Variants in PROCR observed in about 807,000 individuals in gnomAD.
The protein encoded by PROCR is endothelial protein C receptor.
PROCR carries 22 observed loss-of-function variants against 24.2 expected under a neutral mutation model. The ratio of observed to expected loss-of-function variants is 0.91; its 90% CI spans 0.65 to 1.30. The LOEUF (loss-of-function observed/expected upper bound fraction) is 1.30, where lower values mean the gene tolerates loss of function less well. PROCR is among the 50% of genes most tolerant of loss of function. The pLI is 0.00. For synonymous variants in PROCR, 137 were observed against 139.2 expected, an observed-to-expected ratio of 0.98 and a Z score of 0.11; for missense variants, 288 against 307.7, an observed-to-expected ratio of 0.94 and a Z score of 0.48.
At chr20:35,180,851 G>A (rs1709148774), downstream of PROCR, among the ~76,000 whole-genome samples, 1 of 126,438 alleles carries the variant, frequency 7.9e-6, no homozygotes, top group African/African-American at 2.7e-5. Flanking sequence ...GTTGTTGTTT[G>A]TTTTTTGTTT....
At chr20:35,188,454 C>G (rs1368667937) in intron 1 of PROCR, among the ~76,000 whole-genome samples, 1 of 152,164 alleles carries the variant, frequency 6.6e-6, no homozygotes, top group African/African-American at 2.4e-5. Context: ...AGATGTTTCT[C>G]CTTTCCTAGA....
At chr20:35,211,076 A>G (rs1335104685) in intron 1 of PROCR, among the ~76,000 whole-genome samples, 1 of 152,178 alleles carries the variant, frequency 6.6e-6, no homozygotes. Context: ...CCTCAACCCC[A>G]GGAACTTTCT....
chr20:35,197,752 G>A (rs1298858349), intron 1 of PROCR, among the ~76,000 whole-genome samples: 1 of 151,172 alleles, frequency 6.6e-6, no homozygotes, highest in African/African-American at 2.4e-5. Context: ...AACCCAGGAG[G>A]CAGGGGTCAC....
chr20:35,174,820 C>G lies in PROCR; in HGVS notation c.189C>G (p.Thr63=), dbSNP rs148290619. The stretch of plus-strand genomic sequence containing the variant: ...CGCACGTGCTGGAAGGCCCAGACAC[C>G]AACACCACGATCATTCAGCTGCAGC... ...HLTHVLEGPD[T]NTTIIQLQPL... The change falls in exon 2 of 4, where the codon ACC becomes ACG. Residue 63 remains threonine, a synonymous_variant. Coordinates refer to ENST00000216968, the MANE Select transcript of PROCR (RefSeq NM_006404.5). The G allele has an allele frequency of 1.9e-6, 3 of 1,613,984 alleles. No individual in the cohort carries two copies. Among genetic ancestry groups the G allele is most frequent in the Non-Finnish European group, 2.5e-6 (3 of 1,180,008 alleles).
chr20:35,190,026 A>G (rs182455474), intron 1 of PROCR, among the ~76,000 whole-genome samples: 66 of 152,344 alleles, frequency 4.3e-4, no homozygotes, highest in South Asian at 2.9e-3. Flanking sequence ...TTTTATTGAT[A>G]TGCTCAAAAA....
At chr20:35,192,269 A>G (rs2086179495) in intron 1 of PROCR, among the ~76,000 whole-genome samples, 1 of 152,260 alleles carries the variant, frequency 6.6e-6, no homozygotes, top group Admixed American at 6.5e-5. Flanking sequence ...ATACAAGATT[A>G]GTCATAGCTG....
chr20:35,209,639 C>T (rs2060354486), intron 1 of PROCR, among the ~76,000 whole-genome samples: 1 of 151,988 alleles, frequency 6.6e-6, no homozygotes, highest in Non-Finnish European at 1.5e-5. Context: ...GACAAGGGGC[C>T]AAGGAGGGGA....
chr20:35,181,528 C>T (rs998799718), downstream of PROCR, among the ~76,000 whole-genome samples: 1 of 152,230 alleles, frequency 6.6e-6, no homozygotes, highest in Admixed American at 6.5e-5. Context: ...TCTCCTTGGC[C>T]TCCCAAAGTG....
intron 1 of PROCR, among the ~76,000 whole-genome samples, chr20:35,204,048 A>G (rs2060328628): frequency 6.6e-6 from 1 of 152,182 alleles, no homozygotes; most frequent in African/African-American, 2.4e-5. Context: ...CAAGGAAAAG[A>G]AAGAGAGAAG....
At chr20:35,197,367 G>A (rs1211014327) in intron 1 of PROCR, among the ~76,000 whole-genome samples, 1 of 152,160 alleles carries the variant, frequency 6.6e-6, no homozygotes, top group East Asian at 1.9e-4. Context: ...ATATAAGATG[G>A]CAAACCTATA....
At chr20:35,198,161 G>A (rs572001145) in intron 1 of PROCR, among the ~76,000 whole-genome samples, 27 of 151,608 alleles carry the variant, frequency 1.8e-4, no homozygotes, top group East Asian at 3.9e-4. Flanking sequence ...GCATAGTAGC[G>A]GGTGCCTGTA....
downstream of PROCR, among the ~76,000 whole-genome samples, chr20:35,179,105 C>A (rs144500616): frequency 2.3e-4 from 35 of 150,858 alleles, no homozygotes; most frequent in Non-Finnish European, 4.1e-4. Context: ...TGGTTGCGGG[C>A]GCCTGTAGTC....
intron 1 of PROCR, among the ~76,000 whole-genome samples, chr20:35,191,034 A>AT (rs1438130293): frequency 6.6e-6 from 1 of 151,854 alleles, no homozygotes; most frequent in Non-Finnish European, 1.5e-5. Context: ...TAATTTTCAT[A>AT]TTTTTAGTAG....
chr20:35,202,474 A>C (rs2060322646), intron 1 of PROCR: 2 of 139,900 alleles, frequency 1.4e-5, no homozygotes, highest in South Asian at 4.5e-4. Context: ...AAAAAGACAA[A>C]GATTATCGGA....
At chr20:35,213,791 C>A (rs1308200025) in intron 1 of PROCR, among the ~76,000 whole-genome samples, 2 of 152,088 alleles carry the variant, frequency 1.3e-5, no homozygotes. Context: ...AATCTCCTTC[C>A]AGCCAGGCAT....
At chr20:35,178,823 A>C (rs973040906), downstream of PROCR, among the ~76,000 whole-genome samples, 9 of 150,286 alleles carry the variant, frequency 6.0e-5, no homozygotes, top group African/African-American at 2.2e-4. Context: ...CCTAAGTCTC[A>C]GTTTTTTTTG....
At chr20:35,199,612 G>A (rs2060311503) in intron 1 of PROCR, among the ~76,000 whole-genome samples, 1 of 152,116 alleles carries the variant, frequency 6.6e-6, no homozygotes, top group African/African-American at 2.4e-5. Flanking sequence ...GGCCGGGCAT[G>A]GTGGTGGGCG....
intron 1 of PROCR, among the ~76,000 whole-genome samples, chr20:35,185,917 C>T (rs1216686500): frequency 6.6e-6 from 1 of 152,118 alleles, no homozygotes; most frequent in Non-Finnish European, 1.5e-5. Context: ...AAAAGACAGA[C>T]AATAACAAGT....
intron 1 of PROCR, among the ~76,000 whole-genome samples, chr20:35,209,825 GACTAGGCCACT>G (rs940824515): frequency 1.9e-4 from 29 of 152,198 alleles, no homozygotes; most frequent in Non-Finnish European, 1.0e-4. Flanking sequence ...AGGTGGAGAA[GACTAGGCCACT>G]ACCTCTTAGA....
Sources: gnomAD v4.1 joint callset for allele counts (sites outside exome capture counted in the v4.1 genomes callset) on GRCh38, gnomAD v4.1.1 for gene constraint, MANE v1.5 for transcripts, NCBI Gene and HGNC (gene_info 2026-07-23, HGNC 2026-07-21) for gene names.